SHANK1: variants seen among roughly 807,000 people sequenced by gnomAD.
SHANK1 encodes the protein SH3 and multiple ankyrin repeat domains 1, also known as SH3 and multiple ankyrin repeat domains protein 1.
Under a neutral mutation model 165.6 loss-of-function variants are expected in SHANK1, and 35 were observed. The ratio of observed to expected loss-of-function variants is 0.21; its 90% CI spans 0.16 to 0.28. The LOEUF is 0.28. SHANK1 is among the 10% of genes least tolerant of loss of function. SHANK1 has a pLI of 1.00. For missense variants in SHANK1, 2,681 were observed against 3,036.4 expected, an observed-to-expected ratio of 0.88 and a Z score of 2.75; for synonymous variants, 1,428 against 1,384.8, an observed-to-expected ratio of 1.03 and a Z score of -0.69.
intron 23 of SHANK1, chr19:50,663,066 A>C (rs1368103666): frequency 1.4e-5 from 4 of 283,754 alleles, no homozygotes; most frequent in Non-Finnish European, 2.7e-5. Flanking sequence ...GGTTACTATT[A>C]TTATCAGCAC....
In SHANK1 at chr19:50,672,225, C is replaced by T. The variant is rs143217040; in HGVS notation, c.2578-111G>A. On this transcript the variant is annotated intron_variant, in intron 21 of 23. Coordinates refer to ENST00000293441, the MANE Select transcript of SHANK1 (RefSeq NM_016148.5). ...GCTGCCCCCATTCCTTCCCTAAGCC[C>T]CTGCCGTAAGGGAGAGCAGTGTGAA... 1,493 of 886,616 alleles carry T rather than the reference C, an allele frequency of 1.7e-3. 17 individuals carry two copies. In the African/African-American group the frequency reaches 0.022, roughly 13 times the overall value. 54.9% of individuals were successfully genotyped at this position (886,616 alleles called of 1,614,324 possible).
rs1276760636 is a variant in SHANK1 at position 50,707,903 on chromosome 19, TTTCTTTTC to T, written c.1078-3397_1078-3390del. On this transcript the variant is annotated intron_variant, in intron 8 of 23. Transcript: ENST00000293441. ...TTTCTTTTCTTTTCTTTTCTTTTCT[TTTCTTTTC>T]TTTTCTTTTCTTTTCTTTTCTTTTC... 2.4e-4 allele frequency among the ~76,000 whole-genome samples: 7 copies of T among 28,696 alleles called. No homozygotes were observed. The South Asian group carries it at 3.9e-3, about 16-fold the overall frequency. The allele number at this position is 28,696 out of a possible 152,430, so 18.8% of individuals were successfully genotyped here.
chr19:50,702,386 A>G lies in SHANK1; in HGVS notation c.1747+81T>C. 7.8e-7 allele frequency: 1 copy of G among 1,287,086 alleles called. No individual in the cohort carries two copies. The highest frequency in any genetic ancestry group is 1.1e-6 in the Non-Finnish European group (1 of 940,684). 79.7% of individuals were successfully genotyped at this position (1,287,086 alleles called of 1,614,324 possible). On this transcript the variant is annotated intron_variant, in intron 12 of 23. Coordinates refer to ENST00000293441, the MANE Select transcript of SHANK1 (RefSeq NM_016148.5). The surrounding 1 kb of genome is among the most constrained non-coding windows in gnomAD (Gnocchi z 5.3). ...CATGAGATACTCCAGGTGCCCGAGA[A>G]TGGTCTGCTCTCTGCTCCACATTTT...
Position 50,712,071 on chromosome 19 carries a change from C to T in SHANK1, c.836G>A (p.Arg279Gln), listed in dbSNP as rs1055020952. 2.5e-6 allele frequency: 4 copies of T among 1,610,702 alleles called. No homozygotes were observed. The highest frequency in any genetic ancestry group is 2.2e-5 in the East Asian group (1 of 44,880). Reference sequence around the variant, plus strand: ...CGTGTGGAACAGAGGGGTCAGCCCCCGACGGTCCTTGTAGTTGGGGGAACC... The same window carrying T: ...CGTGTGGAACAGAGGGGTCAGCCCCTGACGGTCCTTGTAGTTGGGGGAACC... The part of the protein sequence containing the change: ...LGGSPNYKDR[R>Q]GLTPLFHTAM... The change falls in exon 7 of 24, where the codon CGG becomes CAG. Residue 279 changes from arginine to glutamine, a missense_variant. Arg to Gln is a conservative substitution (Grantham distance 43). Coordinates refer to ENST00000293441, the MANE Select transcript of SHANK1 (RefSeq NM_016148.5).
At chr19:50,684,133 C>T (rs935170937) in intron 21 of SHANK1, among the ~76,000 whole-genome samples, 1 of 151,820 alleles carries the variant, frequency 6.6e-6, no homozygotes, top group African/African-American at 2.4e-5. Context: ...TGCTGCAGGG[C>T]AGTTGAGGAT....
chr19:50,711,649 C>G (rs1375659632), intron 7 of SHANK1, among the ~76,000 whole-genome samples, 162 bp from the exon 8 acceptor site: 2 of 152,226 alleles, frequency 1.3e-5, no homozygotes, highest in Non-Finnish European at 2.9e-5. Context: ...GGGACCCAGG[C>G]TGTCAGCCTC....
chr19:50,662,260 C>T lies in SHANK1; in HGVS notation c.6191G>A (p.Gly2064Glu), dbSNP rs749441535. The change falls in exon 24 of 24, where the codon GGG (glycine) becomes GAG (glutamate). Residue 2064 changes from glycine (G) to glutamate (E), a missense_variant. Physicochemically the swap from Gly to Glu is moderately conservative, Grantham distance 98. Around this residue, in one of 10 missense-constraint regions of SHANK1, gnomAD observed 1,713 missense variants for 1,630.2 expected, o/e 1.05. Transcript: ENST00000293441. The surrounding 1 kb of genome is among the most constrained non-coding windows in gnomAD (Gnocchi z 7.7). ...FVPPHPGISG[G>E]LGGALSGASR... ...GGCCCCTGACAAGGCTCCCCCGAGCCCCCCGGATATCCCCGGGTGTGGCGG... is the reference window on the plus strand; with the variant it reads ...GGCCCCTGACAAGGCTCCCCCGAGCTCCCCGGATATCCCCGGGTGTGGCGG... 1 of 1,611,108 alleles carries T rather than the reference C, an allele frequency of 6.2e-7. No homozygotes were observed. Among genetic ancestry groups the T allele is most frequent in the Non-Finnish European group, 8.5e-7 (1 of 1,177,962 alleles).
Position 50,660,446 on chromosome 19 carries a change from T to C in SHANK1, c.*1519A>G, listed in dbSNP as rs1487043423. Among the ~76,000 whole-genome samples, 4 of 151,812 alleles carry C rather than the reference T, an allele frequency of 2.6e-5. No individual in the cohort carries two copies. Among genetic ancestry groups the C allele is most frequent in the African/African-American group, 9.7e-5 (4 of 41,304 alleles). ...AAGCCAGTGTGCATAGGGTCTTCTCTCACCAGGAAGAGAAAGAGCTTAAGG... is the reference window on the plus strand; with the variant it reads ...AAGCCAGTGTGCATAGGGTCTTCTCCCACCAGGAAGAGAAAGAGCTTAAGG... On this transcript the variant is annotated 3_prime_UTR_variant, in exon 24 of 24. Transcript: ENST00000293441.
In SHANK1 at chr19:50,659,407, C is replaced by G. The variant is rs996881147; in HGVS notation, c.*2558G>C. 26 of 303,994 alleles carry G rather than the reference C, an allele frequency of 8.6e-5. No individual in the cohort carries two copies. Among genetic ancestry groups the G allele is most frequent in the Non-Finnish European group, 1.5e-4 (25 of 166,460 alleles). The allele number at this position is 303,994 out of a possible 1,614,324, so 18.8% of individuals were successfully genotyped here. ...TTATAATCCCGCGTCCCTAATCTTC[C>G]TCCAGTCCCTGTACGTGGACGCCTG... On this transcript the variant is annotated 3_prime_UTR_variant, in exon 24 of 24. Transcript: ENST00000293441.
Position 50,660,181 on chromosome 19 carries a change from AG to A in SHANK1, c.*1783del, listed in dbSNP as rs1330885025. 3.3e-5 allele frequency among the ~76,000 whole-genome samples: 5 copies of A among 150,252 alleles called. No individual in the cohort carries two copies. In the East Asian group the frequency reaches 9.9e-4, roughly 30 times the overall value. On this transcript the variant is annotated 3_prime_UTR_variant, in exon 24 of 24. Transcript: ENST00000293441. ...CCCACAGCAGGGGAGGGGGCTTTTC[AG>A]GGGGAGGGGTGGCTTAACATTCCCA... is the stretch of plus-strand genomic sequence containing the variant.
In SHANK1 at chr19:50,668,516, C is replaced by T. The variant is rs2123083439; in HGVS notation, c.3444G>A (p.Ser1148=). ...TGGGGATGGGGATGGAGTTCTTCTCCGAGGGCGCGGCCACGGCGGGCGGCG... is the reference window on the plus strand; with the variant it reads ...TGGGGATGGGGATGGAGTTCTTCTCTGAGGGCGCGGCCACGGCGGGCGGCG... ...PQPPPAVAAP[S]EKNSIPIPTI... The change falls in exon 23 of 24, where the codon TCG becomes TCA. Residue 1148 remains serine (S), a synonymous_variant. Coordinates refer to ENST00000293441, the MANE Select transcript of SHANK1 (RefSeq NM_016148.5). 7 of 1,347,200 alleles carry T rather than the reference C, an allele frequency of 5.2e-6. No individual in the cohort carries two copies. Among genetic ancestry groups the T allele is most frequent in the Non-Finnish European group, 6.7e-6 (7 of 1,049,620 alleles). 83.5% of individuals were successfully genotyped at this position (1,347,200 alleles called of 1,614,324 possible). A position where few individuals can be genotyped will look rare whatever the true frequency, so the allele number is the denominator to read the frequency against.
chr19:50,718,764 G>A lies in SHANK1; in HGVS notation c.-44+642C>T. 1.4e-5 allele frequency among the ~76,000 whole-genome samples: 2 copies of A among 148,014 alleles called. No homozygotes were observed. Among genetic ancestry groups the A allele is most frequent in the Non-Finnish European group, 3.0e-5 (2 of 66,446 alleles). On this transcript the variant is annotated intron_variant, in intron 1 of 23. Transcript: ENST00000293441. This position sits in a 1 kb window ranked among gnomAD's most constrained non-coding sequence, Gnocchi z 5.1. ...CGGGGAGGGGCGGGGAGAGAGAGCC[G>A]GAGCCGAGGCTGGGAAACTGGTGGG...
chr19:50,714,718 G>T (rs2089051013), intron 4 of SHANK1, among the ~76,000 whole-genome samples: 1 of 151,680 alleles, frequency 6.6e-6, no homozygotes, highest in African/African-American at 2.4e-5. Flanking sequence ...AAATCAGGGT[G>T]GTTGGGGGTG....
intron 15 of SHANK1, among the ~76,000 whole-genome samples, chr19:50,694,425 G>C (rs1055047202): frequency 4.0e-5 from 6 of 151,128 alleles, no homozygotes; most frequent in Non-Finnish European, 8.9e-5. Flanking sequence ...GGGGATCAGA[G>C]GGACAGGGGC....
rs1986947028 is a variant in SHANK1, at chr19:50,702,427, C to G, written c.1747+40G>C. The G allele has an allele frequency of 6.5e-7, 1 of 1,539,252 alleles. No homozygotes were observed. The highest frequency in any genetic ancestry group is 8.8e-7 in the Non-Finnish European group (1 of 1,135,240). On this transcript the variant is annotated intron_variant, in intron 12 of 23. Coordinates refer to ENST00000293441, the MANE Select transcript of SHANK1 (RefSeq NM_016148.5). The surrounding 1 kb of genome is among the most constrained non-coding windows in gnomAD (Gnocchi z 5.3). ...TCCACATTTTCCCTGATCGCCCCCACAGCCCAGCCCAGCCCAGGCCCTGCT... is the reference window on the plus strand; with the variant it reads ...TCCACATTTTCCCTGATCGCCCCCAGAGCCCAGCCCAGCCCAGGCCCTGCT...
At chr19:50,711,267 G>A (rs2089006236) in intron 8 of SHANK1, 104 bp downstream of exon 8, 2 of 676,378 alleles carry the variant, frequency 3.0e-6, no homozygotes, top group East Asian at 5.5e-5. Context: ...TAGTGAAGAA[G>A]TGGAGGGTGC....
Position 50,662,579 on chromosome 19 carries a change from C to T in SHANK1, c.5872G>A (p.Val1958Ile). The change falls in exon 24 of 24, where the codon GTC (valine) becomes ATC (isoleucine). Residue 1958 changes from valine (V) to isoleucine (I), a missense_variant. Transcript: ENST00000293441. This position sits in a 1 kb window ranked among gnomAD's most constrained non-coding sequence, Gnocchi z 7.7. ...GGGGCCGCAGCGGCTGTAGGGGAGA[C>T]CCCTGTTCCGGTGGGGAGTGGCGGC... ...PLPPLPTGTG[V>I]SPTAAAAPGA... 6.4e-7 allele frequency: 1 copy of T among 1,564,662 alleles called. No homozygotes were observed.
chr19:50,684,627 T>C (rs931285852), intron 21 of SHANK1, among the ~76,000 whole-genome samples: 7 of 152,200 alleles, frequency 4.6e-5, no homozygotes, highest in Admixed American at 3.9e-4. Flanking sequence ...AAAAATCCTA[T>C]GTCTTCATTT....
rs930616967 is a variant in SHANK1 at position 50,702,396 on chromosome 19, C to G, written c.1747+71G>C. The G allele has an allele frequency of 2.1e-6, 3 of 1,403,684 alleles. No homozygotes were observed. The highest frequency in any genetic ancestry group is 4.7e-5 in the East Asian group (2 of 42,236). The allele number at this position is 1,403,684 out of a possible 1,614,324, so 87.0% of individuals were successfully genotyped here. A position where few individuals can be genotyped will look rare whatever the true frequency, so the allele number is the denominator to read the frequency against. On this transcript the variant is annotated intron_variant, in intron 12 of 23. Transcript: ENST00000293441. The surrounding 1 kb of genome is among the most constrained non-coding windows in gnomAD (Gnocchi z 5.3). ...TCCAGGTGCCCGAGAATGGTCTGCTCTCTGCTCCACATTTTCCCTGATCGC... is the reference window on the plus strand; with the variant it reads ...TCCAGGTGCCCGAGAATGGTCTGCTGTCTGCTCCACATTTTCCCTGATCGC...
Sources: allele counts gnomAD v4.1 joint callset (sites outside exome capture counted in the v4.1 genomes callset), GRCh38; gene constraint gnomAD v4.1.1; regional missense constraint gnomAD v4.1.1; non-coding constraint Gnocchi (gnomAD v3.1); transcripts MANE v1.5; gene names NCBI Gene and HGNC (gene_info 2026-07-23, HGNC 2026-07-21).